Variants in PKNOX2 observed in about 807,000 individuals in gnomAD.
PKNOX2 encodes homeobox protein PKNOX2.
A neutral mutation model predicts 53.1 loss-of-function variants in PKNOX2; 14 were observed. The ratio of observed to expected loss-of-function variants is 0.26; its 90% CI spans 0.17 to 0.41. PKNOX2 has a LOEUF of 0.41. Ranked by LOEUF, PKNOX2 falls within the 10% of genes least tolerant of loss-of-function variation. The probability of loss-of-function intolerance (pLI) is 1.00; values close to 1 mark genes in which losing one functional copy is unlikely to be tolerated. For synonymous variants in PKNOX2, 257 were observed against 242.8 expected (o/e 1.06, Z -0.54); for missense variants, 496 against 602.8 (o/e 0.82, Z 1.85).
chr11:125,358,048 C>CT (rs1951713813), intron 4 of PKNOX2, among the ~76,000 whole-genome samples: 1 of 152,126 alleles, frequency 6.6e-6, no homozygotes, highest in Non-Finnish European at 1.5e-5. Context: ...TCTGCCCTCC[C>CT]TGTCTCACGA....
At chr11:125,350,485 G>A (rs1255004414) in intron 3 of PKNOX2, among the ~76,000 whole-genome samples, 2 of 152,140 alleles carry the variant, frequency 1.3e-5, no homozygotes, top group East Asian at 3.9e-4. Flanking sequence ...AGCCAAAGAG[G>A]CAGGTAGACC....
chr11:125,188,786 G>A lies in PKNOX2; in HGVS notation c.-201+24010G>A, dbSNP rs11219958. ...CTCAAATTTCTGGGTCGCTGGAGGT[G>A]TGTAAGATCCTATTCTGGACAGTGA... is the stretch of plus-strand genomic sequence containing the variant. On this transcript the variant is annotated intron_variant, in intron 1 of 12. Transcript: ENST00000298282. Among the ~76,000 whole-genome samples, 1,148 of 152,156 alleles carry A rather than the reference G, an allele frequency of 7.5e-3. 17 individuals are homozygous for A. Among genetic ancestry groups the A allele is most frequent in the African/African-American group, 0.026 (1,080 of 41,524 alleles).
At chr11:125,310,350 C>T (rs551833152) in intron 2 of PKNOX2, among the ~76,000 whole-genome samples, 17 of 151,922 alleles carry the variant, frequency 1.1e-4, no homozygotes, top group Non-Finnish European at 2.5e-4. Flanking sequence ...CAAAAATTAA[C>T]CAGGCATGGT....
At chr11:125,297,741 A>C (rs4537771) in intron 2 of PKNOX2, among the ~76,000 whole-genome samples, 25,611 of 152,092 alleles carry the variant, frequency 0.17, 2,346 homozygotes, top group East Asian at 0.24. Flanking sequence ...CCTGCCCTTG[A>C]AAATGCTGTT....
intron 2 of PKNOX2, among the ~76,000 whole-genome samples, chr11:125,319,285 A>G (rs1351969969): frequency 6.6e-6 from 1 of 152,028 alleles, no homozygotes; most frequent in Non-Finnish European, 1.5e-5. Flanking sequence ...TAATTACAAT[A>G]ATAACATCAA....
chr11:125,297,187 T>C (rs1947715606), intron 2 of PKNOX2, among the ~76,000 whole-genome samples: 1 of 152,212 alleles, frequency 6.6e-6, no homozygotes, highest in African/African-American at 2.4e-5. Context: ...ATTATACAGA[T>C]GAGAAAACTA....
intron 3 of PKNOX2, among the ~76,000 whole-genome samples, chr11:125,342,702 C>T (rs778845156): frequency 6.6e-4 from 100 of 152,038 alleles, no homozygotes; most frequent in Non-Finnish European, 1.0e-3. Flanking sequence ...GGACTTCAGT[C>T]CCAGGTTCAT....
intron 4 of PKNOX2, among the ~76,000 whole-genome samples, chr11:125,353,541 A>T (rs1324738073): frequency 3.3e-5 from 5 of 152,200 alleles, no homozygotes; most frequent in African/African-American, 4.8e-5. Context: ...GAGCTGCTCT[A>T]GCCTTTGTGA....
intron 2 of PKNOX2, among the ~76,000 whole-genome samples, chr11:125,300,591 C>T (rs1947985384): frequency 6.6e-6 from 1 of 151,640 alleles, no homozygotes; most frequent in Admixed American, 6.6e-5. Context: ...GACAGAGAGA[C>T]AGAGAGAGAC....
At chr11:125,427,124 A>T (rs1427716289) in intron 10 of PKNOX2, among the ~76,000 whole-genome samples, 1 of 152,156 alleles carries the variant, frequency 6.6e-6, no homozygotes, top group Non-Finnish European at 1.5e-5. Flanking sequence ...TCCCACAAAT[A>T]GGGAGGTTGG....
At chr11:125,431,048 C>T (rs1236847400) in intron 12 of PKNOX2, 118 bp from the exon 13 acceptor site, 12 of 1,463,658 alleles carry the variant, frequency 8.2e-6, no homozygotes, top group South Asian at 1.4e-5. Context: ...GCTTGGACAG[C>T]TCTAAAAACA....
intron 1 of PKNOX2, among the ~76,000 whole-genome samples, chr11:125,234,376 G>C (rs1942491180): frequency 1.3e-5 from 2 of 151,912 alleles, no homozygotes; most frequent in African/African-American, 4.8e-5. Context: ...TGATAAATAT[G>C]TGTTGACTGT....
intron 2 of PKNOX2, among the ~76,000 whole-genome samples, chr11:125,315,167 T>C (rs1393104930): frequency 1.3e-5 from 2 of 151,936 alleles, no homozygotes; most frequent in Admixed American, 6.6e-5. Flanking sequence ...AGCATCCCCC[T>C]CTCCCCACCT....
intron 1 of PKNOX2, among the ~76,000 whole-genome samples, chr11:125,186,262 G>T (rs1316613086): frequency 6.6e-6 from 1 of 152,170 alleles, no homozygotes; most frequent in South Asian, 2.1e-4. Context: ...TTGTTGAATT[G>T]TAGGACTTCG....
At chr11:125,354,228 C>T (rs918105107) in intron 4 of PKNOX2, among the ~76,000 whole-genome samples, 21 of 152,280 alleles carry the variant, frequency 1.4e-4, no homozygotes, top group Non-Finnish European at 2.9e-4. Flanking sequence ...AAGAACCAGC[C>T]GCTCTCTGAG....
Position 125,431,711 on chromosome 11 carries a change from C to T in PKNOX2, c.*319C>T, listed in dbSNP as rs1229086808. 2.8e-6 allele frequency: 1 copy of T among 356,450 alleles called. No homozygotes were observed. Among genetic ancestry groups the T allele is most frequent in the Non-Finnish European group, 5.2e-6 (1 of 191,864 alleles). The allele number at this position is 356,450 out of a possible 1,614,324, so 22.1% of individuals were successfully genotyped here. The stretch of plus-strand genomic sequence containing the variant: ...GAGGATAGATGGCACCCATGGCCCC[C>T]ACCCACGGAAGGACTTGAGTTGTTT... On this transcript the variant is annotated 3_prime_UTR_variant, in exon 13 of 13. Coordinates refer to ENST00000298282, the MANE Select transcript of PKNOX2 (RefSeq NM_001382323.2).
intron 1 of PKNOX2, among the ~76,000 whole-genome samples, chr11:125,183,069 G>A (rs116689991): frequency 0.018 from 2,726 of 152,246 alleles, 73 homozygotes; most frequent in African/African-American, 0.06. Flanking sequence ...CTCATTCGAA[G>A]CTCCACTGCT....
chr11:125,170,969 G>A (rs1383272162), intron 1 of PKNOX2, among the ~76,000 whole-genome samples: 1 of 151,752 alleles, frequency 6.6e-6, no homozygotes, highest in East Asian at 1.9e-4. Flanking sequence ...CAGTGGGGGA[G>A]GGGGGAGGCT....
rs572403591 is a variant in PKNOX2, at chr11:125,271,372, G to A, written c.-130+36257G>A. On this transcript the variant is annotated intron_variant, in intron 2 of 12. Transcript: ENST00000298282. ...GACAAGACACTCATAATCTCTTTCC[G>A]GACATCTCCATTGCTGAATTCTCCC... Among the ~76,000 whole-genome samples, 6 of 152,214 alleles carry A rather than the reference G, an allele frequency of 3.9e-5. No individual in the cohort carries two copies. In the South Asian group the frequency reaches 8.3e-4, roughly 21 times the overall value.
Sources: gnomAD v4.1 joint callset for allele counts (sites outside exome capture counted in the v4.1 genomes callset) on GRCh38, gnomAD v4.1.1 for gene constraint, MANE v1.5 for transcripts, NCBI Gene and HGNC (gene_info 2026-07-23, HGNC 2026-07-21) for gene names.